MKLN1: variants seen among roughly 807,000 people sequenced by gnomAD.
MKLN1 encodes the protein muskelin.
In MKLN1, 18 loss-of-function variants were observed where a neutral mutation model predicts 99.0. The observed-to-expected ratio is 0.18, with a 90% confidence interval of 0.13 to 0.27. The LOEUF is 0.27. MKLN1 is among the 10% of genes least tolerant of loss of function. The probability of loss-of-function intolerance (pLI) is 1.00; values close to 1 mark genes in which losing one functional copy is unlikely to be tolerated. For synonymous variants in MKLN1, 288 were observed against 293.2 expected, an observed-to-expected ratio of 0.98 and a Z score of 0.18; for missense variants, 621 against 875.9, an observed-to-expected ratio of 0.71 and a Z score of 3.67.
chr7:131,378,865 C>T (rs956945583), intron 2 of MKLN1, among the ~76,000 whole-genome samples: 8 of 150,138 alleles, frequency 5.3e-5, no homozygotes, highest in South Asian at 2.1e-4. Context: ...TGCACACACA[C>T]GCACGCAAAG....
intron 17 of MKLN1, among the ~76,000 whole-genome samples, chr7:131,482,165 G>A (rs1797142381): frequency 6.6e-6 from 1 of 152,090 alleles, no homozygotes; most frequent in Non-Finnish European, 1.5e-5. Flanking sequence ...GGAAAAATCT[G>A]GTCTGTAAAG....
chr7:131,464,486 T>G (rs1796604649), intron 14 of MKLN1, 78 bp downstream of exon 14: 2 of 793,908 alleles, frequency 2.5e-6, no homozygotes, highest in East Asian at 5.3e-5. Flanking sequence ...TTTGATTGTT[T>G]TAAATTGGAT....
At chr7:131,294,593 G>A (rs1464134419) in intron 3 of MKLN1, among the ~76,000 whole-genome samples, 1 of 152,188 alleles carries the variant, frequency 6.6e-6, no homozygotes, top group Non-Finnish European at 1.5e-5. Context: ...TGTGTTGCCT[G>A]GGAAATGAGC....
chr7:131,433,197 T>C (rs1253996412), intron 9 of MKLN1, among the ~76,000 whole-genome samples: 1 of 152,222 alleles, frequency 6.6e-6, no homozygotes, highest in African/African-American at 2.4e-5. Context: ...TTGTCTTTCT[T>C]GACTTTGATG....
At chr7:131,285,218 G>A (rs1161518803) in intron 3 of MKLN1, 2 of 152,440 alleles carry the variant, frequency 1.3e-5, no homozygotes, top group Non-Finnish European at 2.9e-5. Context: ...GCTGGCCTGG[G>A]AGGGAAGCTG....
chr7:131,204,019 G>A (rs1796769000), intron 3 of MKLN1, among the ~76,000 whole-genome samples: 1 of 152,174 alleles, frequency 6.6e-6, no homozygotes, highest in Non-Finnish European at 1.5e-5. Flanking sequence ...GACCAATACA[G>A]CTTTAACTAC....
At chr7:131,322,481 G>T (rs1464655690) in intron 3 of MKLN1, among the ~76,000 whole-genome samples, 1 of 152,132 alleles carries the variant, frequency 6.6e-6, no homozygotes, top group Non-Finnish European at 1.5e-5. Flanking sequence ...AAATCAGGGT[G>T]GAAGGTGAAG....
intron 10 of MKLN1, among the ~76,000 whole-genome samples, chr7:131,440,917 G>T (rs1449387219): frequency 6.6e-6 from 1 of 152,026 alleles, no homozygotes. Context: ...AAAGATAAGA[G>T]ATCATTTTAT....
chr7:131,154,160 A>C (rs967875839), intron 2 of MKLN1, among the ~76,000 whole-genome samples: 9 of 152,154 alleles, frequency 5.9e-5, no homozygotes, highest in Admixed American at 3.9e-4. Context: ...GAAAACAAAG[A>C]ATAGGAGGAT....
At chr7:131,374,658 T>G (rs1456693649) in intron 1 of MKLN1, among the ~76,000 whole-genome samples, 1 of 152,178 alleles carries the variant, frequency 6.6e-6, no homozygotes, top group East Asian at 1.9e-4. Flanking sequence ...GCCTTTAGCC[T>G]TACAGTTTCC....
intron 11 of MKLN1, among the ~76,000 whole-genome samples, chr7:131,444,837 G>C (rs1279272780): frequency 2.0e-5 from 3 of 150,652 alleles, no homozygotes. Flanking sequence ...GGAAGTGGAA[G>C]TGGAAGTAGG....
At chr7:131,420,086 G>A (rs959464304) in intron 8 of MKLN1, among the ~76,000 whole-genome samples, 3 of 152,050 alleles carry the variant, frequency 2.0e-5, no homozygotes, top group Non-Finnish European at 2.9e-5. Flanking sequence ...TCATATAAAT[G>A]CTAAATGACG....
At chr7:131,192,131 A>ATTATATATATACGTATATATATAT (rs1375048787) in intron 2 of MKLN1, among the ~76,000 whole-genome samples, 1 of 80,850 alleles carries the variant, frequency 1.2e-5, no homozygotes, top group South Asian at 4.0e-4. Flanking sequence ...GTATATATAT[A>ATTATATATATACGTATATATATAT]AAAATATATA....
intron 5 of MKLN1, 71 bp from the exon 6 acceptor site, chr7:131,399,170 T>A: frequency 2.3e-6 from 3 of 1,303,236 alleles, no homozygotes; most frequent in Non-Finnish European, 2.2e-6. Flanking sequence ...TTATTTTTAC[T>A]GTTGTTATTG....
intron 12 of MKLN1, among the ~76,000 whole-genome samples, chr7:131,461,088 A>G (rs944554349): frequency 1.3e-5 from 2 of 152,068 alleles, no homozygotes; most frequent in Non-Finnish European, 2.9e-5. Flanking sequence ...CAAGTCCGTG[A>G]TATGGTGTAA....
In MKLN1 at chr7:131,157,860, A is replaced by G. The variant is rs1795991752; in HGVS notation, c.-297+14919A>G. 2.6e-5 allele frequency among the ~76,000 whole-genome samples: 4 copies of G among 152,156 alleles called. No individual in the cohort carries two copies. The South Asian group carries it at 8.3e-4, about 32-fold the overall frequency. ...TTGGGATACATTTACAAAACAGTTC[A>G]TTTGGAGTCTAGTCTCGTATTTGGC... On this transcript the variant is annotated intron_variant, in intron 2 of 7. Coordinates refer to the MKLN1 transcript ENST00000416992.
At chr7:131,406,030 C>T (rs1329727356) in intron 6 of MKLN1, among the ~76,000 whole-genome samples, 3 of 151,976 alleles carry the variant, frequency 2.0e-5, no homozygotes, top group Non-Finnish European at 2.9e-5. Context: ...CTATGATCAT[C>T]GAATTATATG....
rs79762267 is a variant in MKLN1, at chr7:131,494,920, T to TACATAC, written c.*7206_*7211dup. 6.6e-6 allele frequency: 1 copy of TACATAC among 152,180 alleles called. No homozygotes were observed. The highest frequency in any genetic ancestry group is 6.6e-5 in the Admixed American group (1 of 15,264). The allele number at this position is 152,180 out of a possible 1,614,324, so 9.4% of individuals were successfully genotyped here. Reference sequence around the variant, plus strand: ...TGCGTACATACTTTATAAATATACATACATACACATACACATACATTTTTA... The same window carrying TACATAC: ...TGCGTACATACTTTATAAATATACATACATACACATACACATACACATACATTTTTA... On this transcript the variant is annotated 3_prime_UTR_variant, in exon 18 of 18. Coordinates refer to ENST00000352689, the MANE Select transcript of MKLN1 (RefSeq NM_013255.5).
intron 4 of MKLN1, among the ~76,000 whole-genome samples, chr7:131,394,447 A>G (rs1429665793): frequency 6.6e-6 from 1 of 152,016 alleles, no homozygotes; most frequent in Non-Finnish European, 1.5e-5. Context: ...AGGAGTGCAC[A>G]ACTTAGATCC....
Sources: allele counts gnomAD v4.1 joint callset (sites outside exome capture counted in the v4.1 genomes callset), GRCh38; gene constraint gnomAD v4.1.1; transcripts MANE v1.5; gene names NCBI Gene and HGNC (gene_info 2026-07-23, HGNC 2026-07-21).